PZP: variants seen among roughly 807,000 people sequenced by gnomAD.
PZP encodes the protein pregnancy zone protein.
Under a neutral mutation model 179.8 loss-of-function variants are expected in PZP, and 150 were observed. The ratio of observed to expected loss-of-function variants is 0.83; its 90% CI spans 0.73 to 0.96. The LOEUF (loss-of-function observed/expected upper bound fraction) is 0.96, where lower values mean the gene tolerates loss of function less well. Ranked by LOEUF, PZP falls within the 40% of genes least tolerant of loss-of-function variation. PZP has a pLI of 0.00. For synonymous variants in PZP, 624 were observed against 652.3 expected, an observed-to-expected ratio of 0.96 and a Z score of 0.66; for missense variants, 1,689 against 1,764.0, an observed-to-expected ratio of 0.96 and a Z score of 0.76.
At chr12:9,191,581 G>C (rs955024918) in intron 13 of PZP, among the ~76,000 whole-genome samples, 2 of 152,074 alleles carry the variant, frequency 1.3e-5, no homozygotes, top group African/African-American at 4.8e-5. Flanking sequence ...AATCCTAATG[G>C]TTATTAAGTT....
the PZP span, among the ~76,000 whole-genome samples, chr12:9,143,559 G>A: frequency 6.6e-6 from 1 of 152,134 alleles, no homozygotes; most frequent in Non-Finnish European, 1.5e-5. Context: ...AGGGGTGCAA[G>A]CTTGACACAG....
chr12:9,181,601 A>G (rs1942764963), intron 14 of PZP, among the ~76,000 whole-genome samples: 1 of 152,224 alleles, frequency 6.6e-6, no homozygotes, highest in Non-Finnish European at 1.5e-5. Flanking sequence ...AGGCAGAATA[A>G]GGATAGATAC....
chr12:9,197,846 TATA>T (rs1337560385), intron 7 of PZP, among the ~76,000 whole-genome samples: 1 of 115,182 alleles, frequency 8.7e-6, no homozygotes, highest in Non-Finnish European at 1.6e-5. Context: ...ATATATAATA[TATA>T]ATATTAATTA....
At chr12:9,191,779 A>G (rs1158133168) in intron 13 of PZP, among the ~76,000 whole-genome samples, 2 of 152,152 alleles carry the variant, frequency 1.3e-5, no homozygotes, top group African/African-American at 4.8e-5. Flanking sequence ...TAAAGTACTC[A>G]TGGCCTGGCA....
At chr12:9,195,512 T>G (rs148101943) in intron 10 of PZP, among the ~76,000 whole-genome samples, 1 of 151,676 alleles carries the variant, frequency 6.6e-6, no homozygotes, top group African/African-American at 2.4e-5. Context: ...GGTGCCATTA[T>G]AACTCACAGC....
Position 9,200,458 on chromosome 12 carries a change from G to A in PZP, c.671-10C>T, listed in dbSNP as rs995719289. ...TCAAACTTGGGAAGCACTGTTAATAGAGATAATAGGAATAAGGAAGGTTGG... is the reference window on the plus strand; with the variant it reads ...TCAAACTTGGGAAGCACTGTTAATAAAGATAATAGGAATAAGGAAGGTTGG... On this transcript the variant is annotated splice_polypyrimidine_tract_variant and intron_variant, in intron 6 of 35. Transcript: ENST00000261336. The A allele has an allele frequency of 1.7e-5, 26 of 1,575,644 alleles. No individual in the cohort carries two copies. The highest frequency in any genetic ancestry group is 2.2e-5 in the Non-Finnish European group (25 of 1,147,022).
chr12:9,153,264 G>C lies in PZP; in HGVS notation c.3854C>G (p.Thr1285Ser). The C allele has an allele frequency of 1.2e-6, 2 of 1,614,148 alleles. No homozygotes were observed. The highest frequency in any genetic ancestry group is 1.7e-6 in the Non-Finnish European group (2 of 1,179,990). The change falls in exon 30 of 36, where the codon ACC becomes AGC. Residue 1285 changes from threonine to serine, a missense_variant. This residue lies in a region of PZP where 746 missense variants were observed against 749.2 expected (regional missense o/e 1.00). Transcript: ENST00000261336. ...FTRTEKTAQVTVQDSQTFSTN... is the reference protein window; with the variant it reads ...FTRTEKTAQVSVQDSQTFSTN... ...AGAAAAGGTCTGTGAATCCTGAACG[G>C]TGACCTGTGCAGTTTTCTCAGTTCT...
chr12:9,149,719 A>G, intron 34 of PZP, 117 bp from the exon 35 acceptor site: 1 of 824,592 alleles, frequency 1.2e-6, no homozygotes, highest in African/African-American at 1.7e-5. Context: ...AATTGTCAAA[A>G]CTTCATGTAA....
chr12:9,157,826 C>T lies in PZP; in HGVS notation c.3310G>A (p.Glu1104Lys). 6.2e-7 allele frequency: 1 copy of T among 1,613,828 alleles called. No individual in the cohort carries two copies. The highest frequency in any genetic ancestry group is 8.5e-7 in the Non-Finnish European group (1 of 1,179,722). The change falls in exon 27 of 36, where the codon GAA becomes AAA. Residue 1104 changes from glutamate (E) to lysine (K), a missense_variant. Around this residue, in one of 3 missense-constraint regions of PZP, gnomAD observed 746 missense variants for 749.2 expected, o/e 1.00. Coordinates refer to ENST00000261336, the MANE Select transcript of PZP (RefSeq NM_002864.3). ...NNAIKGGVED[E>K]ATLSAYVTIA... is the part of the protein sequence containing the mutation. ...GTAACATAGGCGGAGAGGGTCGCTTCATCTTCTACACCTCCCTGTGAATAC... is the reference window on the plus strand; with the variant it reads ...GTAACATAGGCGGAGAGGGTCGCTTTATCTTCTACACCTCCCTGTGAATAC...
At chr12:9,158,752 C>CTTTTTTT (rs200458490) in intron 25 of PZP, among the ~76,000 whole-genome samples, 176 bp from the exon 26 acceptor site, 46 of 97,792 alleles carry the variant, frequency 4.7e-4, no homozygotes, top group South Asian at 1.2e-3. Context: ...TTTTTCTTTT[C>CTTTTTTT]TTTTCTTTTT....
Position 9,192,186 on chromosome 12 carries a change from T to A in PZP, c.1546+7A>T. On this transcript the variant is annotated splice_region_variant and intron_variant, in intron 13 of 35. Transcript: ENST00000261336. ...GAGCAAGGAGAGATGAATCTGAGGA[T>A]ACTCACTGTCTCCTGACTCCACAGG... 1 of 1,608,136 alleles carries A rather than the reference T, an allele frequency of 6.2e-7. No homozygotes were observed. Among genetic ancestry groups the A allele is most frequent in the Non-Finnish European group, 8.5e-7 (1 of 1,174,540 alleles).
At chr12:9,182,883 ACT>A (rs1306340080) in intron 13 of PZP, among the ~76,000 whole-genome samples, 3 of 151,926 alleles carry the variant, frequency 2.0e-5, no homozygotes, top group African/African-American at 7.3e-5. Flanking sequence ...AAGGACAGAT[ACT>A]CTCTGGTATT....
chr12:9,147,774 T>G (rs1940086845), downstream of PZP, among the ~76,000 whole-genome samples: 1 of 152,224 alleles, frequency 6.6e-6, no homozygotes, highest in Admixed American at 6.5e-5. Context: ...CCTTGAACCC[T>G]TCAAGCTAAG....
At position 9,206,907 on chromosome 12, in the gene PZP, C is replaced by A. The variant is rs768532746; in HGVS notation, c.83+1352G>T. Among the ~76,000 whole-genome samples the A allele has an allele frequency of 2.0e-4, 31 of 152,284 alleles. 1 individual carries two copies. Among genetic ancestry groups the A allele is most frequent in the Admixed American group, 1.1e-3 (17 of 15,300 alleles). On this transcript the variant is annotated intron_variant, in intron 1 of 35. Coordinates refer to ENST00000261336, the MANE Select transcript of PZP (RefSeq NM_002864.3). ...ATACACGCTACTCGCTTTATCCATTCAGTCTGCTCTCAGAAAGCAAAATAG... is the reference window on the plus strand; with the variant it reads ...ATACACGCTACTCGCTTTATCCATTAAGTCTGCTCTCAGAAAGCAAAATAG...
At chr12:9,159,851 T>C (rs1217067605) in intron 25 of PZP, 87 bp downstream of exon 25, 11 of 1,169,820 alleles carry the variant, frequency 9.4e-6, no homozygotes, top group Non-Finnish European at 1.4e-5. Context: ...TATTCTGTTA[T>C]AAGCAACAGA....
the PZP span, among the ~76,000 whole-genome samples, chr12:9,142,936 A>G: frequency 6.6e-6 from 1 of 152,202 alleles, no homozygotes; most frequent in Non-Finnish European, 1.5e-5. Flanking sequence ...AGGGTCTTTA[A>G]TACCTGCACC....
At chr12:9,162,109 C>T (rs886981049) in intron 22 of PZP, among the ~76,000 whole-genome samples, 5 of 152,098 alleles carry the variant, frequency 3.3e-5, no homozygotes, top group African/African-American at 1.2e-4. Context: ...CTACAGGCGC[C>T]CGCCACCAGG....
downstream of PZP, among the ~76,000 whole-genome samples, chr12:9,148,566 A>T (rs979853461): frequency 7.9e-5 from 12 of 152,068 alleles, no homozygotes; most frequent in Non-Finnish European, 1.8e-4. Flanking sequence ...CATCTCAAAC[A>T]TCTCTTCTGA....
At chr12:9,175,988 G>A (rs958793787) in intron 15 of PZP, among the ~76,000 whole-genome samples, 2 of 152,018 alleles carry the variant, frequency 1.3e-5, no homozygotes, top group Non-Finnish European at 2.9e-5. Context: ...AAATTATTCT[G>A]TTATAAAGAT....
Sources: gnomAD v4.1 joint callset for allele counts (sites outside exome capture counted in the v4.1 genomes callset) on GRCh38, gnomAD v4.1.1 for gene constraint, gnomAD v4.1.1 regional missense constraint, MANE v1.5 for transcripts, NCBI Gene and HGNC (gene_info 2026-07-23, HGNC 2026-07-21) for gene names.